Variants in GALNT14 observed in about 807,000 individuals in gnomAD.
The protein encoded by GALNT14 is polypeptide N-acetylgalactosaminyltransferase 14, also known as UDP-GalNAc:polypeptide N-acetylgalactosaminyltransferase 14.
Under a neutral mutation model 77.5 loss-of-function variants are expected in GALNT14, and 60 were observed. The ratio of observed to expected loss-of-function variants is 0.77; its 90% CI spans 0.63 to 0.96. The LOEUF is 0.96. GALNT14 is among the 40% of genes least tolerant of loss of function. The pLI is 0.00. For synonymous variants in GALNT14, 280 were observed against 281.7 expected (o/e 0.99, Z 0.06); for missense variants, 710 against 731.0 (o/e 0.97, Z 0.33).
At chr2:30,893,465 T>A in the GALNT14 span, among the ~76,000 whole-genome samples, 1 of 152,228 alleles carries the variant, frequency 6.6e-6, no homozygotes, top group Non-Finnish European at 1.5e-5. Flanking sequence ...ACTATTTGGT[T>A]TAGCACATAA....
intron 3 of GALNT14, among the ~76,000 whole-genome samples, chr2:30,960,160 G>A (rs1667598217): frequency 6.6e-6 from 1 of 152,142 alleles, no homozygotes; most frequent in Admixed American, 6.5e-5. Context: ...TGGTCAGGGA[G>A]GGGAAAGAAG....
chr2:30,993,034 GAGA>G, intron 1 of GALNT14, 27 bp from the exon 2 acceptor site: 2 of 1,610,774 alleles, frequency 1.2e-6, no homozygotes, highest in Non-Finnish European at 1.7e-6. Flanking sequence ...GGAAGTCTGT[GAGA>G]ACGGCTCCCT....
intron 1 of GALNT14, among the ~76,000 whole-genome samples, chr2:31,017,413 A>C (rs1671440406): frequency 6.6e-6 from 1 of 152,244 alleles, no homozygotes; most frequent in Non-Finnish European, 1.5e-5. Context: ...TACTGTAAAT[A>C]ATACATATAA....
chr2:30,976,621 A>G (rs62141383), intron 2 of GALNT14, among the ~76,000 whole-genome samples: 32,723 of 139,692 alleles, frequency 0.23, 3,864 homozygotes, highest in East Asian at 0.44. Flanking sequence ...GCGTGTGTGT[A>G]TGTGTGTGTG....
chr2:31,030,068 T>C (rs1399292652), intron 1 of GALNT14, among the ~76,000 whole-genome samples: 1 of 152,226 alleles, frequency 6.6e-6, no homozygotes, highest in African/African-American at 2.4e-5. Flanking sequence ...TCGTGTCTTC[T>C]AGACTGTGAG....
At chr2:31,137,876 G>C (rs536591033) in intron 1 of GALNT14, 82 bp downstream of exon 1, 244 of 1,517,172 alleles carry the variant, frequency 1.6e-4, no homozygotes, top group Non-Finnish European at 2.6e-5. Flanking sequence ...CTGGTTTCCC[G>C]GGAGCCCGCA....
chr2:30,928,379 T>C (rs1484935345), intron 11 of GALNT14, among the ~76,000 whole-genome samples: 1 of 152,142 alleles, frequency 6.6e-6, no homozygotes, highest in Non-Finnish European at 1.5e-5. Context: ...TTTTCTCTAA[T>C]CAGCCCTGGG....
At chr2:30,930,365 C>G (rs1304222507) in intron 10 of GALNT14, among the ~76,000 whole-genome samples, 1 of 152,228 alleles carries the variant, frequency 6.6e-6, no homozygotes, top group Non-Finnish European at 1.5e-5. Context: ...TGCAGTTAGC[C>G]TGCTGCAGGT....
chr2:31,038,084 A>ATTTTTTTTTTTT (rs1196402402), intron 1 of GALNT14, among the ~76,000 whole-genome samples: 1 of 52,650 alleles, frequency 1.9e-5, no homozygotes, highest in Non-Finnish European at 3.2e-5. Flanking sequence ...ATATATATAT[A>ATTTTTTTTTTTT]TTTTTTTTTT....
Position 31,130,731 on chromosome 2 carries a change from C to T in GALNT14, c.129+7227G>A, listed in dbSNP as rs930316035. 8.6e-5 allele frequency among the ~76,000 whole-genome samples: 9 copies of T among 104,096 alleles called. No homozygotes were observed. In the South Asian group the frequency reaches 2.8e-3, roughly 33 times the overall value. 68.3% of individuals were successfully genotyped at this position (104,096 alleles called of 152,430 possible). On this transcript the variant is annotated intron_variant, in intron 1 of 14. Coordinates refer to ENST00000349752, the MANE Select transcript of GALNT14 (RefSeq NM_024572.4). ...AGCTCCTGCAGAATTCCCCAGGGTA[C>T]CTCTGTGTGTGTGTGTGTGTGTGTG... is the stretch of plus-strand genomic sequence containing the variant.
At chr2:30,960,181 C>T (rs959893434) in intron 3 of GALNT14, among the ~76,000 whole-genome samples, 4 of 152,300 alleles carry the variant, frequency 2.6e-5, no homozygotes, top group African/African-American at 7.2e-5. Context: ...GCTGCAGCCT[C>T]TGCCAGAGGA....
intron 1 of GALNT14, among the ~76,000 whole-genome samples, chr2:31,002,917 A>G (rs919702216): frequency 7.9e-5 from 12 of 152,226 alleles, no homozygotes; most frequent in Admixed American, 7.2e-4. Flanking sequence ...ATTATGGATT[A>G]TTAGATAAGA....
chr2:31,114,192 T>G (rs1677981802), intron 1 of GALNT14, among the ~76,000 whole-genome samples: 1 of 152,070 alleles, frequency 6.6e-6, no homozygotes, highest in African/African-American at 2.4e-5. Flanking sequence ...CGTGTTTCTT[T>G]CCTCTTTCTT....
At chr2:30,942,054 G>A in intron 9 of GALNT14, 147 bp downstream of exon 9, 1 of 564,782 alleles carries the variant, frequency 1.8e-6, no homozygotes, top group Non-Finnish European at 3.2e-6. Flanking sequence ...TCCCCCAAAA[G>A]AGTAACTCAC....
At chr2:31,060,497 C>T (rs887720630) in intron 1 of GALNT14, among the ~76,000 whole-genome samples, 1 of 152,222 alleles carries the variant, frequency 6.6e-6, no homozygotes, top group Non-Finnish European at 1.5e-5. Flanking sequence ...TCTGAATAGA[C>T]TGAATCAGCC....
At chr2:30,906,715 A>G (rs368741556), downstream of GALNT14, among the ~76,000 whole-genome samples, 5 of 151,982 alleles carry the variant, frequency 3.3e-5, no homozygotes, top group East Asian at 7.7e-4. Context: ...GGACCTAATA[A>G]ACATCTACAG....
chr2:31,064,625 A>G (rs17010638), intron 1 of GALNT14, among the ~76,000 whole-genome samples: 4,002 of 152,274 alleles, frequency 0.026, 173 homozygotes, highest in East Asian at 0.22. Flanking sequence ...TACAACACAA[A>G]TATATCGCTG....
At position 30,947,500 on chromosome 2, in the gene GALNT14, G is replaced by A. The variant is rs1027491207; in HGVS notation, c.655-1630C>T. On this transcript the variant is annotated intron_variant, in intron 6 of 14. Transcript: ENST00000349752. The stretch of plus-strand genomic sequence containing the variant: ...TTTCAAATTTCTCATTTCTGGGTGA[G>A]TAGCCCTGTACCTGATGTGCAGTGA... Among the ~76,000 whole-genome samples, 9 of 152,178 alleles carry A rather than the reference G, an allele frequency of 5.9e-5. 1 individual carries two copies. The highest frequency in any genetic ancestry group is 5.2e-4 in the Admixed American group (8 of 15,280).
downstream of GALNT14, among the ~76,000 whole-genome samples, chr2:30,905,959 C>T (rs1311349504): frequency 6.6e-6 from 1 of 151,722 alleles, no homozygotes; most frequent in Non-Finnish European, 1.5e-5. Context: ...TCCAGCCAAA[C>T]TAAGCTTCAT....
Sources: allele counts gnomAD v4.1 joint callset (sites outside exome capture counted in the v4.1 genomes callset), GRCh38; gene constraint gnomAD v4.1.1; transcripts MANE v1.5; gene names NCBI Gene and HGNC (gene_info 2026-07-23, HGNC 2026-07-21).